TMEM150C: variants seen among roughly 807,000 people sequenced by gnomAD.
The protein encoded by TMEM150C is transmembrane protein 150C, also known as tentonin 3.
In TMEM150C, 10 loss-of-function variants were observed where a neutral mutation model predicts 29.9. The ratio of observed to expected loss-of-function variants is 0.33; its 90% confidence interval spans 0.21 to 0.57. TMEM150C has a LOEUF of 0.57. TMEM150C is among the 20% of genes least tolerant of loss of function. The pLI, the probability that TMEM150C is intolerant of heterozygous loss-of-function variation, is 0.88. For missense variants in TMEM150C, 251 were observed against 303.6 expected (o/e 0.83, Z 1.29); for synonymous variants, 101 against 112.5 (o/e 0.90, Z 0.64).
chr4:82,524,158 C>T (rs1157654768), intron 1 of TMEM150C, among the ~76,000 whole-genome samples: 2 of 150,202 alleles, frequency 1.3e-5, no homozygotes, highest in Non-Finnish European at 2.9e-5. Context: ...GTCCCAGCTA[C>T]TCGGAAGGCT....
intron 1 of TMEM150C, among the ~76,000 whole-genome samples, chr4:82,549,516 G>GA (rs988638030): frequency 5.3e-5 from 8 of 152,174 alleles, no homozygotes; most frequent in Non-Finnish European, 1.2e-4. Context: ...TCTGTAAGAC[G>GA]AAAGAAGTTT....
chr4:82,485,793 A>G, intron 7 of TMEM150C, 74 bp from the exon 8 acceptor site: 1 of 1,377,196 alleles, frequency 7.3e-7, no homozygotes, highest in South Asian at 1.4e-5. Flanking sequence ...GCAGAGACAG[A>G]TTATAGGAAA....
intron 1 of TMEM150C, among the ~76,000 whole-genome samples, chr4:82,536,098 T>C (rs183430913): frequency 3.3e-3 from 500 of 152,156 alleles, no homozygotes; most frequent in Middle Eastern, 0.01. Flanking sequence ...TGGTGGCTCA[T>C]ACCTGTAATC....
intron 1 of TMEM150C, among the ~76,000 whole-genome samples, chr4:82,560,443 T>C (rs558661673): frequency 9.8e-5 from 15 of 152,322 alleles, no homozygotes; most frequent in East Asian, 5.8e-4. Flanking sequence ...TTAAATAATG[T>C]ATAAAGGACA....
rs1723072648 is a variant in TMEM150C at position 82,483,805 on chromosome 4, T to G, written c.*1706A>C. 1.3e-5 allele frequency: 2 copies of G among 151,650 alleles called. No individual in the cohort carries two copies. The highest frequency in any genetic ancestry group is 4.9e-5 in the African/African-American group (2 of 41,102). The allele number at this position is 151,650 out of a possible 1,614,324, so 9.4% of individuals were successfully genotyped here. The stretch of plus-strand genomic sequence containing the variant: ...ACGTTTTTCTTTTTTTCTTTTTTTT[T>G]TGAGATGGAGTTTTTAGCTCTTTTT... On this transcript the variant is annotated 3_prime_UTR_variant, in exon 8 of 8. Transcript: ENST00000449862.
chr4:82,516,590 G>A (rs1724303715), intron 1 of TMEM150C, among the ~76,000 whole-genome samples: 1 of 152,184 alleles, frequency 6.6e-6, no homozygotes, highest in South Asian at 2.1e-4. Flanking sequence ...CACATGGCAA[G>A]CATTCAATAA....
intron 1 of TMEM150C, among the ~76,000 whole-genome samples, chr4:82,542,110 G>A (rs982162732): frequency 1.6e-4 from 25 of 152,158 alleles, no homozygotes; most frequent in African/African-American, 6.0e-4. Flanking sequence ...AGTCTTTAAT[G>A]AGAAGATACT....
chr4:82,503,164 T>C (rs1471012391), intron 2 of TMEM150C, 52 bp from the exon 3 acceptor site: 4 of 1,349,538 alleles, frequency 3.0e-6, no homozygotes, highest in South Asian at 2.6e-5. Flanking sequence ...AAAAGAATCA[T>C]TTGTTTCCCA....
At chr4:82,514,467 C>T (rs963790369) in intron 1 of TMEM150C, among the ~76,000 whole-genome samples, 16 of 152,084 alleles carry the variant, frequency 1.1e-4, no homozygotes, top group South Asian at 4.1e-4. Flanking sequence ...CGTTACCCAG[C>T]GACCATGGAT....
chr4:82,538,615 T>C (rs112007126), intron 1 of TMEM150C, among the ~76,000 whole-genome samples: 120 of 152,188 alleles, frequency 7.9e-4, no homozygotes, highest in African/African-American at 2.8e-3. Flanking sequence ...AAAAAAAGTC[T>C]GAAATAGAAA....
At chr4:82,508,956 G>C (rs1270906034) in intron 1 of TMEM150C, among the ~76,000 whole-genome samples, 1 of 152,080 alleles carries the variant, frequency 6.6e-6, no homozygotes, top group African/African-American at 2.4e-5. Context: ...TTCTTGAAAG[G>C]GTTCTGGCAT....
At position 82,515,217 on chromosome 4, in the gene TMEM150C, T is replaced by G. The variant is rs184517271; in HGVS notation, c.-10-10550A>C. Among the ~76,000 whole-genome samples the G allele has an allele frequency of 5.9e-5, 9 of 152,318 alleles. 1 individual carries two copies. In the South Asian group the frequency reaches 1.7e-3, roughly 28 times the overall value. Reference sequence around the variant, plus strand: ...GGTTCCCCTCAGCACAGGGAGGAATTAAGGCCAGGGAATGGGTTCCTCACT... The same window carrying G: ...GGTTCCCCTCAGCACAGGGAGGAATGAAGGCCAGGGAATGGGTTCCTCACT... On this transcript the variant is annotated intron_variant, in intron 1 of 7. Coordinates refer to ENST00000449862, the MANE Select transcript of TMEM150C (RefSeq NM_001080506.3).
chr4:82,495,298 T>C (rs1164522774), intron 6 of TMEM150C: 1 of 206,566 alleles, frequency 4.8e-6, no homozygotes, highest in Non-Finnish European at 9.7e-6. Context: ...AAAATTTAGC[T>C]GGGTGTGGTG....
chr4:82,488,755 G>A (rs1723238471), intron 7 of TMEM150C, among the ~76,000 whole-genome samples: 1 of 152,078 alleles, frequency 6.6e-6, no homozygotes, highest in Non-Finnish European at 1.5e-5. Context: ...TTGGACTACA[G>A]GTGCACACCA....
chr4:82,540,091 G>T, intron 1 of TMEM150C, among the ~76,000 whole-genome samples: 1 of 117,782 alleles, frequency 8.5e-6, no homozygotes, highest in African/African-American at 2.9e-5. Flanking sequence ...ATAAGTCATA[G>T]TCATTCAATG....
chr4:82,558,131 T>C (rs927955762), intron 1 of TMEM150C, among the ~76,000 whole-genome samples: 1 of 152,186 alleles, frequency 6.6e-6, no homozygotes, highest in African/African-American at 2.4e-5. Flanking sequence ...TAAAGGATAA[T>C]TGCCTTTAAA....
intron 6 of TMEM150C, chr4:82,491,281 A>G: frequency 1.5e-6 from 1 of 680,396 alleles, no homozygotes; most frequent in Admixed American, 2.1e-5. Context: ...GCCTGGGCCA[A>G]CAGCTTCTGC....
chr4:82,541,002 A>C (rs1185923573), intron 1 of TMEM150C, among the ~76,000 whole-genome samples: 3 of 152,188 alleles, frequency 2.0e-5, no homozygotes, highest in African/African-American at 7.2e-5. Flanking sequence ...CAATTTATTT[A>C]ATCACAGTGC....
In TMEM150C at chr4:82,484,805, T is replaced by A. The variant is rs4693446; in HGVS notation, c.*706A>T. 0.053 allele frequency: 8,041 copies of A among 152,300 alleles called. 588 individuals carry two copies. The highest frequency in any genetic ancestry group is 0.21 in the Admixed American group (3,232 of 15,284). 9.4% of individuals were successfully genotyped at this position (152,300 alleles called of 1,614,324 possible). On this transcript the variant is annotated 3_prime_UTR_variant, in exon 8 of 8. Transcript: ENST00000449862. ...CATACCTTCACTGCCCCCATCTTGT[T>A]CCAGGCCTGATAGACCACGTCCCTA...
Sources: gnomAD v4.1 joint callset for allele counts (sites outside exome capture counted in the v4.1 genomes callset) on GRCh38, gnomAD v4.1.1 for gene constraint, MANE v1.5 for transcripts, NCBI Gene and HGNC (gene_info 2026-07-23, HGNC 2026-07-21) for gene names.